SUCNR1: variants seen among roughly 807,000 people sequenced by gnomAD.
SUCNR1 encodes the protein succinate receptor 1.
A neutral mutation model predicts 2.4 loss-of-function variants in SUCNR1; 5 were observed. The ratio of observed to expected loss-of-function variants is 2.07; its 90% CI spans 1.08 to 4.36. The LOEUF (loss-of-function observed/expected upper bound fraction) is 4.36. SUCNR1 is among the 30% of genes most tolerant of loss of function. The probability of loss-of-function intolerance (pLI) is 0.00; values close to 1 mark genes in which losing one functional copy is unlikely to be tolerated. For missense variants in SUCNR1, 373 were observed against 399.2 expected, an observed-to-expected ratio of 0.93 and a Z score of 0.56; for synonymous variants, 162 against 143.9, an observed-to-expected ratio of 1.13 and a Z score of -0.90.
chr3:151,880,598 G>C lies in SUCNR1; in HGVS notation c.55G>C (p.Ala19Pro), dbSNP rs550521164. 3.7e-6 allele frequency: 6 copies of C among 1,611,932 alleles called. No homozygotes were observed. In the Admixed American group the frequency reaches 6.7e-5, roughly 18 times the overall value. The change falls in exon 3 of 3, where the codon GCT becomes CCT. Residue 19 changes from alanine (A) to proline (P), a missense_variant. Coordinates refer to ENST00000362032, the MANE Select transcript of SUCNR1 (RefSeq NM_033050.6). Reference protein sequence around the residue: ...ATCKNWLAAEAALEKYYLSIF... With the variant: ...ATCKNWLAAEPALEKYYLSIF... ...TTGCAAAAACTGGCTGGCAGCAGAG[G>C]CTGCCCTGGAAAAGTACTACCTTTC... is the stretch of plus-strand genomic sequence containing the variant.
rs1206178043 is a variant in SUCNR1 at position 151,880,876 on chromosome 3, CT to C, written c.336del (p.Leu113SerfsTer6). 2 of 1,614,080 alleles carry C rather than the reference CT, an allele frequency of 1.2e-6. No individual in the cohort carries two copies. The highest frequency in any genetic ancestry group is 2.7e-5 in the African/African-American group (2 of 75,032). ...LHANLYTSIL[F>X]LTFISIDRYL... ...ATGCCAACCTCTATACCAGCATTCT[CT>C]TTCTCACTTTTATCAGCATAGATCG... On this transcript the variant is annotated frameshift_variant, in exon 3 of 3. Coordinates refer to ENST00000362032, the MANE Select transcript of SUCNR1 (RefSeq NM_033050.6). LOFTEE classifies it low-confidence loss of function (END_TRUNC).
rs1384485788 is a variant in SUCNR1 at position 151,881,239 on chromosome 3, C to A, written c.696C>A (p.Asn232Lys). The change falls in exon 3 of 3, where the codon AAC becomes AAA. Residue 232 changes from asparagine (N) to lysine (K), a missense_variant. Asn to Lys is a moderately conservative substitution (Grantham distance 94). Around this residue, in one of 3 missense-constraint regions of SUCNR1, gnomAD observed 157 missense variants for 178.7 expected, o/e 0.88. Transcript: ENST00000362032. ...CTCTGCCCCTTGAAAAGCCTCTCAA[C>A]TTGGTCATCATGGCAGTGGTAATCT... ...ATALPLEKPL[N>K]LVIMAVVIFS... 6.2e-7 allele frequency: 1 copy of A among 1,614,090 alleles called. No homozygotes were observed. Among genetic ancestry groups the A allele is most frequent in the African/African-American group, 1.3e-5 (1 of 74,938 alleles).
In SUCNR1 at chr3:151,880,670, A is replaced by C. The variant is rs749557490; in HGVS notation, c.127A>C (p.Ile43Leu). The part of the protein sequence containing the change: ...EFVVGVLGNT[I>L]VVYGYIFSLK... ...CGTTGTGGGAGTCCTTGGAAATACC[A>C]TTGTTGTTTACGGCTACATCTTCTC... The change falls in exon 3 of 3, where the codon ATT (isoleucine) becomes CTT (leucine). Residue 43 changes from isoleucine to leucine, a missense_variant. This residue lies in a region of SUCNR1 where 184 missense variants were observed against 162.2 expected (regional missense o/e 1.13). Coordinates refer to ENST00000362032, the MANE Select transcript of SUCNR1 (RefSeq NM_033050.6). The C allele has an allele frequency of 1.6e-5, 26 of 1,614,054 alleles. No individual in the cohort carries two copies. Among genetic ancestry groups the C allele is most frequent in the Non-Finnish European group, 2.2e-5 (26 of 1,179,984 alleles).
At chr3:151,880,267 T>C (rs564177811) in intron 2 of SUCNR1, among the ~76,000 whole-genome samples, 2 of 152,342 alleles carry the variant, frequency 1.3e-5, no homozygotes, top group East Asian at 1.9e-4. Context: ...TACTTCCTGA[T>C]TATTCTTCCC....
chr3:151,876,761 A>T (rs1717935032), intron 1 of SUCNR1, among the ~76,000 whole-genome samples: 1 of 152,254 alleles, frequency 6.6e-6, no homozygotes, highest in Middle Eastern at 3.4e-3. Context: ...TGACTTTCAC[A>T]GTGAAATAAG....
At position 151,882,899 on chromosome 3, in the gene SUCNR1, TTCC is replaced by T. The variant is rs1324755121; in HGVS notation, c.*1353_*1355del. The T allele has an allele frequency of 6.6e-6, 1 of 152,072 alleles. No individual in the cohort carries two copies. The highest frequency in any genetic ancestry group is 1.9e-4 in the East Asian group (1 of 5,192). 9.4% of individuals were successfully genotyped at this position (152,072 alleles called of 1,614,324 possible). On this transcript the variant is annotated 3_prime_UTR_variant, in exon 3 of 3. Coordinates refer to ENST00000362032, the MANE Select transcript of SUCNR1 (RefSeq NM_033050.6). ...AAGTACCTATGGCCACATATCTAAG[TTCC>T]TTTCCTTGATGTCATTAGCTATAAG... is the stretch of plus-strand genomic sequence containing the variant.
intron 1 of SUCNR1, among the ~76,000 whole-genome samples, chr3:151,875,184 A>T (rs1240471018): frequency 6.6e-6 from 1 of 152,142 alleles, no homozygotes; most frequent in African/African-American, 2.4e-5. Context: ...CCTATTCAAA[A>T]TAATTCATCC....
intron 2 of SUCNR1, 49 bp downstream of exon 2, chr3:151,879,956 T>A (rs1317804894): frequency 6.9e-7 from 1 of 1,440,174 alleles, no homozygotes; most frequent in South Asian, 1.3e-5. Context: ...CTTCAATTAT[T>A]TTATCATACG....
At position 151,880,660 on chromosome 3, in the gene SUCNR1, T is replaced by G. The variant is rs1353452151; in HGVS notation, c.117T>G (p.Leu39=). The G allele has an allele frequency of 1.2e-6, 2 of 1,614,158 alleles. No individual in the cohort carries two copies. Among genetic ancestry groups the G allele is most frequent in the Non-Finnish European group, 1.7e-6 (2 of 1,180,002 alleles). ...FYGIEFVVGV[L]GNTIVVYGYI... is the part of the protein sequence containing the mutation. ...GGATTGAGTTCGTTGTGGGAGTCCT[T>G]GGAAATACCATTGTTGTTTACGGCT... Residue 39 remains leucine (L), a synonymous_variant, in exon 3 of 3, where the codon CTT becomes CTG. Coordinates refer to ENST00000362032, the MANE Select transcript of SUCNR1 (RefSeq NM_033050.6).
intron 1 of SUCNR1, among the ~76,000 whole-genome samples, chr3:151,874,851 T>C (rs1432045366): frequency 6.6e-6 from 1 of 152,058 alleles, no homozygotes; most frequent in East Asian, 1.9e-4. Flanking sequence ...AAAATTCTCA[T>C]GTTACCATGT....
chr3:151,880,455 A>G, intron 2 of SUCNR1, 104 bp from the exon 3 acceptor site: 1 of 809,798 alleles, frequency 1.2e-6, no homozygotes, highest in Non-Finnish European at 2.0e-6. Flanking sequence ...CCTACTTTCT[A>G]TAGTTCACCA....
In SUCNR1 at chr3:151,881,520, A is replaced by G. The variant is rs758386322; in HGVS notation, c.977A>G (p.Glu326Gly). 3.0e-5 allele frequency: 49 copies of G among 1,606,726 alleles called. No individual in the cohort carries two copies. The highest frequency in any genetic ancestry group is 4.1e-5 in the Non-Finnish European group (48 of 1,177,642). Residue 326 changes from glutamate to glycine, a missense_variant, in exon 3 of 3, where the codon GAA (glutamate) becomes GGA (glycine). Physicochemically the swap from Glu to Gly is moderately conservative, Grantham distance 98. Coordinates refer to ENST00000362032, the MANE Select transcript of SUCNR1 (RefSeq NM_033050.6). Reference sequence around the variant, plus strand: ...ACATCCTTTAGCAGATGGGCTCATGAACTCCTACTTTCATTCAGAGAAAAG... The same window carrying G: ...ACATCCTTTAGCAGATGGGCTCATGGACTCCTACTTTCATTCAGAGAAAAG... ...SLTSFSRWAH[E>G]LLLSFREK
intron 1 of SUCNR1, 55 bp from the exon 2 acceptor site, chr3:151,879,797 T>G: frequency 1.3e-6 from 1 of 786,022 alleles, no homozygotes. Flanking sequence ...TGGAAACAAG[T>G]AAAAGCTTAA....
intron 1 of SUCNR1, among the ~76,000 whole-genome samples, chr3:151,874,134 ATATATATATATATTT>A (rs1717835823): frequency 1.8e-5 from 1 of 55,132 alleles, no homozygotes; most frequent in African/African-American, 7.2e-5. Context: ...ACATATATAT[ATATATATATATATTT>A]TTTTTTTTTT....
At chr3:151,880,108 T>C (rs1185759199) in intron 2 of SUCNR1, among the ~76,000 whole-genome samples, 1 of 152,214 alleles carries the variant, frequency 6.6e-6, no homozygotes, top group Non-Finnish European at 1.5e-5. Flanking sequence ...AGGTTTTTGT[T>C]TAAATGTCAT....
chr3:151,879,867 A>G lies in SUCNR1; in HGVS notation c.-26A>G. The G allele has an allele frequency of 9.6e-6, 15 of 1,563,902 alleles. No homozygotes were observed. In the Admixed American group the frequency reaches 1.4e-4, roughly 15 times the overall value. ...CCTCTTCTAGGTTATGGTTTAACTC[A>G]GCAGAATTTGTTGAACAACTACGAC... On this transcript the variant is annotated 5_prime_UTR_variant, in exon 2 of 3. Coordinates refer to ENST00000362032, the MANE Select transcript of SUCNR1 (RefSeq NM_033050.6).
Position 151,882,393 on chromosome 3 carries a change from CA to C in SUCNR1, c.*846del, listed in dbSNP as rs1179342873. 5 of 152,202 alleles carry C rather than the reference CA, an allele frequency of 3.3e-5. No homozygotes were observed. Among genetic ancestry groups the C allele is most frequent in the Admixed American group, 2.6e-4 (4 of 15,286 alleles). The allele number at this position is 152,202 out of a possible 1,614,324, so 9.4% of individuals were successfully genotyped here. On this transcript the variant is annotated 3_prime_UTR_variant, in exon 3 of 3. Transcript: ENST00000362032. ...TATTATCATAATTTGACCACCAGTG[CA>C]TGAAAATATATTAAAGTTCATTAGC...
At chr3:151,878,319 A>T (rs1250995661) in intron 1 of SUCNR1, among the ~76,000 whole-genome samples, 1 of 152,148 alleles carries the variant, frequency 6.6e-6, no homozygotes, top group Non-Finnish European at 1.5e-5. Flanking sequence ...CTAATGGAAA[A>T]GAGGACATGA....
intron 1 of SUCNR1, among the ~76,000 whole-genome samples, chr3:151,876,244 G>A (rs1394799687): frequency 6.6e-6 from 1 of 152,124 alleles, no homozygotes; most frequent in African/African-American, 2.4e-5. Flanking sequence ...CATGAAAATG[G>A]AGAAAGGAGG....
Sources: allele counts gnomAD v4.1 joint callset (sites outside exome capture counted in the v4.1 genomes callset), GRCh38; gene constraint gnomAD v4.1.1; regional missense constraint gnomAD v4.1.1; transcripts MANE v1.5; gene names NCBI Gene and HGNC (gene_info 2026-07-23, HGNC 2026-07-21).